The following SLC44A5 variants were observed in gnomAD, a reference collection of about 807,000 sequenced individuals.
SLC44A5 encodes choline transporter-like protein 5.
Under a neutral mutation model 101.8 loss-of-function variants are expected in SLC44A5, and 57 were observed. The ratio of observed to expected loss-of-function variants is 0.56; its 90% CI spans 0.45 to 0.70. The LOEUF is 0.70. SLC44A5 is among the 30% of genes least tolerant of loss of function. SLC44A5 has a pLI of 0.00. For synonymous variants in SLC44A5, 281 were observed against 290.9 expected, an observed-to-expected ratio of 0.97 and a Z score of 0.35; for missense variants, 737 against 853.1, an observed-to-expected ratio of 0.86 and a Z score of 1.70.
At chr1:75,478,843 G>C (rs1346449858) in intron 2 of SLC44A5, among the ~76,000 whole-genome samples, 5 of 152,100 alleles carry the variant, frequency 3.3e-5, no homozygotes, top group Non-Finnish European at 5.9e-5. Context: ...ACAGATCAAT[G>C]AGACAGAAAG....
intron 6 of SLC44A5, among the ~76,000 whole-genome samples, chr1:75,260,361 C>A (rs146928282): frequency 1.3e-5 from 2 of 152,036 alleles, no homozygotes; most frequent in Non-Finnish European, 2.9e-5. Flanking sequence ...AGCAAAAAAG[C>A]AGGGGTTGCA....
the SLC44A5 span, among the ~76,000 whole-genome samples, chr1:75,698,399 A>G: frequency 6.6e-6 from 1 of 152,084 alleles, no homozygotes; most frequent in Non-Finnish European, 1.5e-5. Context: ...GCAGACTGAC[A>G]CCTCACACGG....
chr1:75,638,960 T>C, the SLC44A5 span, among the ~76,000 whole-genome samples: 6 of 152,118 alleles, frequency 3.9e-5, no homozygotes, highest in Admixed American at 3.9e-4. Flanking sequence ...AGGAGCACAA[T>C]TATCACATAA....
At position 75,359,230 on chromosome 1, in the gene SLC44A5, C is replaced by CTTTT. The variant is rs58243679; in HGVS notation, c.53-19604_53-19601dup. On this transcript the variant is annotated intron_variant, in intron 3 of 23. Coordinates refer to ENST00000370859, the MANE Select transcript of SLC44A5 (RefSeq NM_001130058.2). ...TTATGTATATATGCCATTTTCTTTT[C>CTTTT]TTTTTTTTTTTTTTTTTTTCTTGAG... 3.3e-3 allele frequency among the ~76,000 whole-genome samples: 356 copies of CTTTT among 108,698 alleles called. 1 individual carries two copies. Among genetic ancestry groups the CTTTT allele is most frequent in the Middle Eastern group, 0.013 (2 of 152 alleles). The allele number at this position is 108,698 out of a possible 152,430, so 71.3% of individuals were successfully genotyped here.
At chr1:75,299,779 G>A (rs1003535372) in intron 5 of SLC44A5, among the ~76,000 whole-genome samples, 1 of 151,778 alleles carries the variant, frequency 6.6e-6, no homozygotes, top group Non-Finnish European at 1.5e-5. Context: ...GGGAGGCCGA[G>A]GGGGGCAGAT....
chr1:75,404,221 G>C (rs1413335526), intron 2 of SLC44A5, among the ~76,000 whole-genome samples: 2 of 152,112 alleles, frequency 1.3e-5, no homozygotes, highest in African/African-American at 4.8e-5. Context: ...ACCTACGTTT[G>C]ATTGGTGTAT....
At chr1:75,211,702 A>G (rs1262494010) in intron 22 of SLC44A5, 150 bp from the exon 23 acceptor site, 2 of 545,060 alleles carry the variant, frequency 3.7e-6, no homozygotes. Flanking sequence ...GTTCAATGAT[A>G]ATGCTTCTGC....
At chr1:75,457,884 G>A (rs1666276356) in intron 2 of SLC44A5, among the ~76,000 whole-genome samples, 1 of 151,988 alleles carries the variant, frequency 6.6e-6, no homozygotes, top group South Asian at 2.1e-4. Context: ...CACTGAGGTG[G>A]AACAACGGAG....
chr1:75,600,672 T>C (rs1326474358), intron 1 of SLC44A5, among the ~76,000 whole-genome samples: 4 of 152,178 alleles, frequency 2.6e-5, no homozygotes, highest in African/African-American at 9.7e-5. Flanking sequence ...TGATATTGTA[T>C]TTTTACTGTA....
chr1:75,585,723 T>C (rs1229219281), intron 1 of SLC44A5, among the ~76,000 whole-genome samples: 2 of 152,224 alleles, frequency 1.3e-5, no homozygotes, highest in African/African-American at 4.8e-5. Context: ...CACCATTTTA[T>C]ACATATTTAT....
At position 75,560,396 on chromosome 1, in the gene SLC44A5, A is replaced by C. The variant is rs569697408; in HGVS notation, c.-69-18880T>G. On this transcript the variant is annotated intron_variant, in intron 1 of 23. Coordinates refer to ENST00000370859, the MANE Select transcript of SLC44A5 (RefSeq NM_001130058.2). ...AAAATAGGCAAACCTATAGAGACAG[A>C]AAGTAGATAAGTGGTTGTCTAGGAT... is the stretch of plus-strand genomic sequence containing the variant. Among the ~76,000 whole-genome samples the C allele has an allele frequency of 5.3e-5, 8 of 152,306 alleles. No individual in the cohort carries two copies. The East Asian group carries it at 1.5e-3, about 29-fold the overall frequency.
At chr1:75,576,599 T>G (rs1411472623) in intron 1 of SLC44A5, among the ~76,000 whole-genome samples, 1 of 152,090 alleles carries the variant, frequency 6.6e-6, no homozygotes, top group South Asian at 2.1e-4. Flanking sequence ...ATTACAGGCG[T>G]TGAGCCACCG....
intron 2 of SLC44A5, among the ~76,000 whole-genome samples, chr1:75,489,224 TAG>T (rs1472277694): frequency 6.6e-6 from 1 of 150,378 alleles, no homozygotes; most frequent in African/African-American, 2.4e-5. Flanking sequence ...TACATGAATT[TAG>T]AGAGTAATTA....
chr1:75,225,435 C>G (rs1224500933), intron 13 of SLC44A5, among the ~76,000 whole-genome samples: 1 of 152,130 alleles, frequency 6.6e-6, no homozygotes, highest in African/African-American at 2.4e-5. Flanking sequence ...TATATCCCCT[C>G]TTTTGTTTGA....
the SLC44A5 span, among the ~76,000 whole-genome samples, chr1:75,645,644 T>G: frequency 4.0e-5 from 6 of 151,012 alleles, no homozygotes; most frequent in Non-Finnish European, 7.4e-5. Context: ...GGATCCCATT[T>G]GTCAATTTTG....
At chr1:75,215,062 C>T (rs1239661890) in intron 19 of SLC44A5, among the ~76,000 whole-genome samples, 1 of 152,054 alleles carries the variant, frequency 6.6e-6, no homozygotes, top group African/African-American at 2.4e-5. Flanking sequence ...AACCCAATAC[C>T]TTTCACTAAA....
chr1:75,369,427 T>C (rs1193799144), intron 3 of SLC44A5, among the ~76,000 whole-genome samples: 1 of 152,188 alleles, frequency 6.6e-6, no homozygotes. Flanking sequence ...TAAGGATGAT[T>C]AGTACTTTTA....
the SLC44A5 span, among the ~76,000 whole-genome samples, chr1:75,627,288 C>A: frequency 6.6e-6 from 1 of 152,020 alleles, no homozygotes; most frequent in African/African-American, 2.4e-5. Context: ...AACTTAGTTC[C>A]TAGTTCAGTG....
intron 1 of SLC44A5, among the ~76,000 whole-genome samples, chr1:75,576,469 A>G (rs1673372469): frequency 7.2e-6 from 1 of 139,826 alleles, no homozygotes; most frequent in Non-Finnish European, 1.6e-5. Context: ...GCCCGCCACC[A>G]CGCCCGGCTA....
Sources: gnomAD v4.1 joint callset for allele counts (sites outside exome capture counted in the v4.1 genomes callset) on GRCh38, gnomAD v4.1.1 for gene constraint, MANE v1.5 for transcripts, NCBI Gene and HGNC (gene_info 2026-07-23, HGNC 2026-07-21) for gene names.